Variants in RGMB observed in about 807,000 individuals in gnomAD.
The protein encoded by RGMB is repulsive guidance molecule B.
In RGMB, 16 loss-of-function variants were observed where a neutral mutation model predicts 26.9. That is an observed-to-expected ratio of 0.60 (90% CI 0.40 to 0.90). The LOEUF (loss-of-function observed/expected upper bound fraction) is 0.90. Among genes scored for constraint, RGMB ranks in the 40% least tolerant of loss-of-function variants. The pLI, the probability that RGMB is intolerant of heterozygous loss-of-function variation, is 0.00. For missense variants in RGMB, 512 were observed against 573.3 expected (o/e 0.89, Z 1.09); for synonymous variants, 225 against 229.3 (o/e 0.98, Z 0.17).
At chr5:98,780,307 A>G in intron 2 of RGMB, 1 of 492,966 alleles carries the variant, frequency 2.0e-6, no homozygotes, top group Non-Finnish European at 3.5e-6. Context: ...AGTGATATAA[A>G]GAATAAAAAG....
chr5:98,786,877 G>A (rs1746780264), intron 2 of RGMB, among the ~76,000 whole-genome samples: 2 of 152,128 alleles, frequency 1.3e-5, no homozygotes. Flanking sequence ...AGTTTTTTAT[G>A]CCCCAGTTAA....
chr5:98,787,351 A>C (rs1746794943), intron 2 of RGMB, among the ~76,000 whole-genome samples: 1 of 152,234 alleles, frequency 6.6e-6, no homozygotes, highest in Non-Finnish European at 1.5e-5. Context: ...TTTGGAGAAC[A>C]GCTGTGCTGA....
At chr5:98,772,856 G>C (rs1580264334), upstream of RGMB, 1 of 152,152 alleles carries the variant, frequency 6.6e-6, no homozygotes. Flanking sequence ...TAATTACACT[G>C]CATAAAAACC....
At chr5:98,781,058 T>A (rs911755039) in intron 2 of RGMB, 1 of 152,266 alleles carries the variant, frequency 6.6e-6, no homozygotes, top group African/African-American at 2.4e-5. Context: ...TTTAGTTTTT[T>A]AATGTAATTG....
chr5:98,790,205 C>G (rs906528692), intron 2 of RGMB, among the ~76,000 whole-genome samples: 1 of 152,184 alleles, frequency 6.6e-6, no homozygotes, highest in Non-Finnish European at 1.5e-5. Flanking sequence ...CTCTAGGTAC[C>G]TGCTCAGTGC....
Position 98,794,192 on chromosome 5 carries a change from G to C in RGMB, c.*439G>C, listed in dbSNP as rs1228630205. 5 of 153,638 alleles carry C rather than the reference G, an allele frequency of 3.3e-5. No homozygotes were observed. The highest frequency in any genetic ancestry group is 2.6e-4 in the Admixed American group (4 of 15,428). The allele number at this position is 153,638 out of a possible 1,614,324, so 9.5% of individuals were successfully genotyped here. A position where few individuals can be genotyped will look rare whatever the true frequency, so the allele number is the denominator to read the frequency against. ...TGCTACTGATTTGCCACGGTGTGCA[G>C]CTTTTACTCGCCACCTTCCGGTGGA... On this transcript the variant is annotated 3_prime_UTR_variant, in exon 3 of 3. Transcript: ENST00000513185.
intron 2 of RGMB, among the ~76,000 whole-genome samples, chr5:98,785,672 C>T (rs1276795720): frequency 1.3e-5 from 2 of 152,110 alleles, no homozygotes; most frequent in African/African-American, 4.8e-5. Flanking sequence ...CTGTCATAGT[C>T]GCCAGTTCTT....
At chr5:98,775,118 C>A (rs191028768) in intron 1 of RGMB, among the ~76,000 whole-genome samples, 3 of 152,018 alleles carry the variant, frequency 2.0e-5, no homozygotes, top group Non-Finnish European at 2.9e-5. Flanking sequence ...GTTTCTTTTC[C>A]TTCCAGACCT....
In RGMB at chr5:98,784,247, C is replaced by G. The variant is rs534951378; in HGVS notation, c.645+4159C>G. 2.6e-3 allele frequency among the ~76,000 whole-genome samples: 393 copies of G among 152,312 alleles called. 2 individuals carry two copies. Among genetic ancestry groups the G allele is most frequent in the Middle Eastern group, 3.4e-3 (1 of 294 alleles). Reference sequence around the variant, plus strand: ...GCAATCCTATGGGCAGCACTCATCGCCTGTCCAAAGCATAGTAGCATACCC... The same window carrying G: ...GCAATCCTATGGGCAGCACTCATCGGCTGTCCAAAGCATAGTAGCATACCC... On this transcript the variant is annotated intron_variant, in intron 2 of 2. Transcript: ENST00000513185.
At chr5:98,770,761 A>G (rs1244267978), upstream of RGMB, 1 of 769,750 alleles carries the variant, frequency 1.3e-6, no homozygotes, top group African/African-American at 1.8e-5. Flanking sequence ...TCCTTTCCTT[A>G]CTGTTCTAAC....
At position 98,793,405 on chromosome 5, in the gene RGMB, C is replaced by A. The variant is rs61746616; in HGVS notation, c.966C>A (p.Ile322=). 2 of 1,612,650 alleles carry A rather than the reference C, an allele frequency of 1.2e-6. No individual in the cohort carries two copies. The highest frequency in any genetic ancestry group is 1.3e-5 in the African/African-American group (1 of 74,916). Residue 322 remains isoleucine (I), a synonymous_variant, in exon 3 of 3, where the codon ATC becomes ATA. Transcript: ENST00000513185. ...CVNGCPLSER[I]DDGQGQVSAI... ...ACGGCTGCCCCCTGAGTGAACGCAT[C>A]GATGACGGGCAGGGCCAGGTGTCTG...
chr5:98,778,618 A>G (rs897348200), intron 1 of RGMB, among the ~76,000 whole-genome samples: 1 of 152,214 alleles, frequency 6.6e-6, no homozygotes, highest in Non-Finnish European at 1.5e-5. Flanking sequence ...ATTTTATGGA[A>G]CAGAATATTA....
At chr5:98,790,529 G>T (rs561986675) in intron 2 of RGMB, among the ~76,000 whole-genome samples, 2 of 152,324 alleles carry the variant, frequency 1.3e-5, no homozygotes, top group South Asian at 4.1e-4. Flanking sequence ...GGACAATACT[G>T]TGGGAGGTGT....
intron 1 of RGMB, among the ~76,000 whole-genome samples, chr5:98,776,019 C>T (rs1024934277): frequency 6.6e-6 from 1 of 152,224 alleles, no homozygotes; most frequent in Non-Finnish European, 1.5e-5. Context: ...TCCTTATCAT[C>T]TGCCTCAGCA....
At chr5:98,774,317 G>C (rs1295083708) in intron 1 of RGMB, 111 bp downstream of exon 1, 8 of 1,112,368 alleles carry the variant, frequency 7.2e-6, no homozygotes, top group East Asian at 3.2e-5. Context: ...GTGGCGCAAC[G>C]GGAAAGGCCT....
chr5:98,781,409 C>T (rs1431710703), intron 2 of RGMB, among the ~76,000 whole-genome samples: 1 of 152,198 alleles, frequency 6.6e-6, no homozygotes, highest in Non-Finnish European at 1.5e-5. Context: ...TTTTCTCCCT[C>T]TGGTTTTTGT....
intron 1 of RGMB, among the ~76,000 whole-genome samples, chr5:98,774,448 C>G (rs1312956355): frequency 6.6e-6 from 1 of 152,194 alleles, no homozygotes; most frequent in East Asian, 1.9e-4. Context: ...CGGCTCGGAC[C>G]GCTGACAAAT....
upstream of RGMB, chr5:98,768,640 C>T (rs1257331428): frequency 1.3e-5 from 2 of 152,302 alleles, no homozygotes; most frequent in African/African-American, 4.8e-5. Flanking sequence ...TTGTAACACA[C>T]TTGCTCTGGG....
chr5:98,785,979 A>G (rs1027102643), intron 2 of RGMB, among the ~76,000 whole-genome samples: 21 of 152,204 alleles, frequency 1.4e-4, no homozygotes, highest in African/African-American at 5.1e-4. Context: ...AAGGTTTCCA[A>G]GTGGATGTGG....
Sources: gnomAD v4.1 joint callset for allele counts (sites outside exome capture counted in the v4.1 genomes callset) on GRCh38, gnomAD v4.1.1 for gene constraint, MANE v1.5 for transcripts, NCBI Gene and HGNC (gene_info 2026-07-23, HGNC 2026-07-21) for gene names.